SOX5: variants seen among roughly 807,000 people sequenced by gnomAD.
SOX5 encodes transcription factor SOX-5.
In SOX5, 9 loss-of-function variants were observed where a neutral mutation model predicts 92.0. The ratio of observed to expected loss-of-function variants is 0.10; its 90% CI spans 0.06 to 0.17. The LOEUF (loss-of-function observed/expected upper bound fraction) is 0.17. Among genes scored for constraint, SOX5 ranks in the 10% least tolerant of loss-of-function variants. The pLI is 1.00. For missense variants in SOX5, 642 were observed against 944.5 expected (o/e 0.68, Z 4.20); for synonymous variants, 344 against 336.3 (o/e 1.02, Z -0.25).
chr12:23,922,337 A>G (rs554229739), intron 1 of SOX5, among the ~76,000 whole-genome samples: 8 of 152,362 alleles, frequency 5.3e-5, no homozygotes, highest in Admixed American at 5.2e-4. Context: ...AGAATATAAG[A>G]ATTTCACTAT....
At chr12:24,376,690 CTTTTTTTTTTTTTTT>C (rs1164391418) in intron 1 of SOX5, among the ~76,000 whole-genome samples, 69 of 70,606 alleles carry the variant, frequency 9.8e-4, no homozygotes, top group African/African-American at 2.5e-3. Context: ...GGAGAGATAC[CTTTTTTTTTTTTTTT>C]TTTTTTTTTT....
At chr12:24,010,847 A>G (rs1952834345) in intron 4 of SOX5, among the ~76,000 whole-genome samples, 1 of 152,034 alleles carries the variant, frequency 6.6e-6, no homozygotes, top group African/African-American at 2.4e-5. Flanking sequence ...GCTGAGGCCC[A>G]AGAATTGCTT....
At chr12:23,949,699 TTCTC>T (rs1482751697), upstream of SOX5, 12 of 1,586,602 alleles carry the variant, frequency 7.6e-6, no homozygotes, top group East Asian at 7.0e-5. Flanking sequence ...CCAATTGATT[TTCTC>T]TCTGTCTCTT....
At chr12:24,453,981 T>G (rs1470704734) in intron 1 of SOX5, among the ~76,000 whole-genome samples, 1 of 152,226 alleles carries the variant, frequency 6.6e-6, no homozygotes, top group South Asian at 2.1e-4. Flanking sequence ...CACATTACAT[T>G]TCTCCAAATA....
intron 4 of SOX5, among the ~76,000 whole-genome samples, chr12:24,032,799 G>T (rs537773519): frequency 6.6e-6 from 1 of 151,956 alleles, no homozygotes; most frequent in East Asian, 1.9e-4. Flanking sequence ...TCTAACAGTA[G>T]CAACTAAATC....
rs1245842260 is a variant in SOX5 at position 23,846,149 on chromosome 12, G to A, written c.315C>T (p.Asn105=). 6.2e-7 allele frequency: 1 copy of A among 1,614,082 alleles called. No homozygotes were observed. The highest frequency in any genetic ancestry group is 1.7e-5 in the Admixed American group (1 of 60,000). Residue 105 remains asparagine, a synonymous_variant, in exon 3 of 15, where the codon AAC becomes AAT. Transcript: ENST00000451604. Reference sequence around the variant, plus strand: ...CTGCCTTCTGAGGTGAGGTAGATGAGTTGTGTGGGGCAAATGAAGACATAA... The same window carrying A: ...CTGCCTTCTGAGGTGAGGTAGATGAATTGTGTGGGGCAAATGAAGACATAA... The part of the protein sequence containing the change: ...NKVMSSFAPH[N]SSTSPQKAEE...
At chr12:23,859,439 T>C (rs990858263) in intron 2 of SOX5, among the ~76,000 whole-genome samples, 98 of 152,252 alleles carry the variant, frequency 6.4e-4, no homozygotes, top group Non-Finnish European at 1.5e-4. Context: ...ATTGGGAAAT[T>C]CCAGCCTGGT....
intron 3 of SOX5, among the ~76,000 whole-genome samples, chr12:23,767,102 G>A (rs541547732): frequency 6.6e-6 from 1 of 152,034 alleles, no homozygotes; most frequent in South Asian, 2.1e-4. Flanking sequence ...TGCTACTTGG[G>A]AGGCTGAGGT....
intron 1 of SOX5, among the ~76,000 whole-genome samples, chr12:24,461,953 C>T (rs1010043519): frequency 5.9e-5 from 9 of 152,178 alleles, no homozygotes; most frequent in African/African-American, 1.9e-4. Context: ...CATTTACCTC[C>T]GTCTTCCCAA....
At chr12:23,978,529 T>C (rs1292798563) in intron 4 of SOX5, among the ~76,000 whole-genome samples, 3 of 152,222 alleles carry the variant, frequency 2.0e-5, no homozygotes, top group Non-Finnish European at 2.9e-5. Flanking sequence ...AGCTGTTCAA[T>C]GCACCTTATA....
intron 4 of SOX5, among the ~76,000 whole-genome samples, chr12:24,017,407 C>A (rs1360686923): frequency 1.3e-5 from 2 of 151,892 alleles, no homozygotes; most frequent in Non-Finnish European, 2.9e-5. Flanking sequence ...ACCAGCCTGG[C>A]CAACATGGTG....
chr12:23,949,729 TCC>T (rs1279461491), upstream of SOX5: 202 of 985,574 alleles, frequency 2.0e-4, no homozygotes, highest in Middle Eastern at 5.9e-4. Flanking sequence ...CCTCCCTCCC[TCC>T]CTCTCTCTCT....
At chr12:24,294,629 T>C (rs1011496894) in intron 2 of SOX5, among the ~76,000 whole-genome samples, 4 of 152,006 alleles carry the variant, frequency 2.6e-5, no homozygotes, top group African/African-American at 9.6e-5. Flanking sequence ...GTTTAAACAG[T>C]TCTACACTGT....
intron 1 of SOX5, among the ~76,000 whole-genome samples, chr12:24,537,590 T>C (rs1455760246): frequency 6.6e-6 from 1 of 152,210 alleles, no homozygotes; most frequent in Non-Finnish European, 1.5e-5. Context: ...TGCAGTCTCA[T>C]TCAAGGAATT....
chr12:23,742,653 G>A (rs1026916679), intron 4 of SOX5, among the ~76,000 whole-genome samples: 1 of 152,120 alleles, frequency 6.6e-6, no homozygotes, highest in Non-Finnish European at 1.5e-5. Flanking sequence ...TACACATCAT[G>A]TCTTAGAATG....
intron 3 of SOX5, among the ~76,000 whole-genome samples, chr12:24,231,765 G>A (rs1315238883): frequency 2.6e-5 from 4 of 152,258 alleles, no homozygotes; most frequent in Admixed American, 6.5e-5. Flanking sequence ...GTGTGTCTTC[G>A]AAAGCATTAT....
intron 4 of SOX5, among the ~76,000 whole-genome samples, chr12:24,121,243 G>C (rs1948580231): frequency 6.6e-6 from 1 of 152,202 alleles, no homozygotes; most frequent in African/African-American, 2.4e-5. Context: ...ACAGATCCAT[G>C]AATATGAGCA....
chr12:24,532,237 G>A (rs1951260893), intron 1 of SOX5, among the ~76,000 whole-genome samples: 1 of 152,112 alleles, frequency 6.6e-6, no homozygotes. Context: ...CTAGGTTTGG[G>A]TGGGTACCTG....
intron 1 of SOX5, among the ~76,000 whole-genome samples, chr12:24,518,935 G>C (rs190258682): frequency 6.6e-6 from 1 of 151,910 alleles, no homozygotes; most frequent in African/African-American, 2.4e-5. Context: ...TAATTCTTTC[G>C]TGTGTTTTCT....
Sources: gnomAD v4.1 joint callset for allele counts (sites outside exome capture counted in the v4.1 genomes callset) on GRCh38, gnomAD v4.1.1 for gene constraint, MANE v1.5 for transcripts, NCBI Gene and HGNC (gene_info 2026-07-23, HGNC 2026-07-21) for gene names.